Variants in MECOM observed in about 807,000 individuals in gnomAD.
MECOM encodes MDS1 and EVI1 complex locus, also known as histone-lysine N-methyltransferase MECOM.
MECOM carries 13 observed loss-of-function variants against 116.3 expected under a neutral mutation model. The ratio of observed to expected loss-of-function variants is 0.11; its 90% CI spans 0.07 to 0.18. MECOM has a LOEUF of 0.18. MECOM is among the 10% of genes least tolerant of loss of function. MECOM has a pLI of 1.00. For missense variants in MECOM, 1,299 were observed against 1,509.0 expected (o/e 0.86, Z 2.31); for synonymous variants, 528 against 535.2 (o/e 0.99, Z 0.19).
At chr3:169,549,200 G>T (rs1010560335) in intron 1 of MECOM, among the ~76,000 whole-genome samples, 1 of 152,054 alleles carries the variant, frequency 6.6e-6, no homozygotes, top group African/African-American at 2.4e-5. Flanking sequence ...TCAAACTCCT[G>T]ACCTCAGGTA....
chr3:169,633,899 T>C (rs1452613609), intron 1 of MECOM, among the ~76,000 whole-genome samples: 6 of 38,396 alleles, frequency 1.6e-4, no homozygotes, highest in African/African-American at 7.4e-4. Flanking sequence ...GTAGTGACCC[T>C]GGCAAAAAAA....
chr3:169,233,383 T>TG (rs1753653693), intron 2 of MECOM, among the ~76,000 whole-genome samples: 1 of 152,144 alleles, frequency 6.6e-6, no homozygotes, highest in Non-Finnish European at 1.5e-5. Flanking sequence ...AGGAGGTATA[T>TG]GCAGTAAAAT....
chr3:169,425,008 G>A (rs544786687), intron 1 of MECOM, among the ~76,000 whole-genome samples: 1 of 151,776 alleles, frequency 6.6e-6, no homozygotes, highest in South Asian at 2.1e-4. Flanking sequence ...CATATATTCA[G>A]CTTAACTACA....
At chr3:169,599,724 T>C (rs1327316854) in intron 1 of MECOM, among the ~76,000 whole-genome samples, 1 of 152,004 alleles carries the variant, frequency 6.6e-6, no homozygotes, top group East Asian at 1.9e-4. Flanking sequence ...AAATTAGCAA[T>C]TTGCAAAAAG....
At chr3:169,637,020 G>A (rs778570344) in intron 1 of MECOM, among the ~76,000 whole-genome samples, 6 of 152,050 alleles carry the variant, frequency 3.9e-5, no homozygotes, top group African/African-American at 7.2e-5. Flanking sequence ...CCTGGGACTC[G>A]CATTTGACCT....
At chr3:169,222,435 T>C (rs1159596334) in intron 2 of MECOM, among the ~76,000 whole-genome samples, 1 of 152,236 alleles carries the variant, frequency 6.6e-6, no homozygotes, top group African/African-American at 2.4e-5. Flanking sequence ...ACATGATTTT[T>C]TAATATCCAC....
chr3:169,144,320 T>C (rs1739050238), intron 2 of MECOM, among the ~76,000 whole-genome samples: 1 of 152,092 alleles, frequency 6.6e-6, no homozygotes, highest in African/African-American at 2.4e-5. Context: ...ACACTCTTAA[T>C]TGAAGGAGAT....
intron 1 of MECOM, among the ~76,000 whole-genome samples, chr3:169,577,975 G>A (rs1303964489): frequency 6.6e-6 from 1 of 151,916 alleles, no homozygotes; most frequent in Non-Finnish European, 1.5e-5. Context: ...GCATTCCTTA[G>A]ACAAATTAGG....
intron 2 of MECOM, among the ~76,000 whole-genome samples, chr3:169,227,833 G>A (rs1752925371): frequency 6.6e-6 from 1 of 152,176 alleles, no homozygotes; most frequent in Non-Finnish European, 1.5e-5. Flanking sequence ...GCACATAGGA[G>A]GCAGGAGGGC....
chr3:169,492,121 G>A (rs192942684), intron 1 of MECOM, among the ~76,000 whole-genome samples: 1 of 152,310 alleles, frequency 6.6e-6, no homozygotes, highest in Non-Finnish European at 1.5e-5. Context: ...GGGGTCAGTG[G>A]CATGACCCTA....
chr3:169,376,971 A>G (rs2106125), intron 2 of MECOM, among the ~76,000 whole-genome samples: 19,726 of 152,212 alleles, frequency 0.13, 1,463 homozygotes, highest in Admixed American at 0.24. Flanking sequence ...ACTGGTGCCA[A>G]AACGGATAAA....
At chr3:169,569,363 A>C (rs1763616852) in intron 1 of MECOM, among the ~76,000 whole-genome samples, 1 of 152,134 alleles carries the variant, frequency 6.6e-6, no homozygotes, top group Non-Finnish European at 1.5e-5. Context: ...AGAGACTTAG[A>C]CTCCCAGATA....
intron 1 of MECOM, among the ~76,000 whole-genome samples, chr3:169,519,570 T>C (rs577350088): frequency 6.6e-6 from 1 of 152,346 alleles, no homozygotes; most frequent in Admixed American, 6.5e-5. Context: ...AAATGCCCAA[T>C]TCAGTATCTG....
intron 2 of MECOM, among the ~76,000 whole-genome samples, chr3:169,296,758 C>T (rs1342031102): frequency 2.6e-5 from 4 of 152,130 alleles, no homozygotes; most frequent in Admixed American, 6.6e-5. Context: ...CTGAGATGAA[C>T]CTGAGAACTG....
chr3:169,091,618 AACAG>A (rs980313890), intron 14 of MECOM, among the ~76,000 whole-genome samples: 5 of 151,908 alleles, frequency 3.3e-5, no homozygotes, highest in East Asian at 1.9e-4. Context: ...CCCTTTCACA[AACAG>A]ACAGACAGAC....
intron 2 of MECOM, among the ~76,000 whole-genome samples, chr3:169,299,361 C>T (rs1004012862): frequency 1.3e-5 from 2 of 152,184 alleles, no homozygotes; most frequent in South Asian, 2.1e-4. Flanking sequence ...CAAGATTTTC[C>T]TTCCCGCCCA....
chr3:169,437,523 A>G (rs1578099716), intron 1 of MECOM, among the ~76,000 whole-genome samples: 1 of 152,328 alleles, frequency 6.6e-6, no homozygotes, highest in African/African-American at 2.4e-5. Context: ...CTTCTTTGAT[A>G]ACCACAGAGA....
chr3:169,236,644 G>A (rs1754102799), intron 2 of MECOM, among the ~76,000 whole-genome samples: 2 of 152,126 alleles, frequency 1.3e-5, no homozygotes, highest in African/African-American at 4.8e-5. Context: ...ACACCTCGAA[G>A]AGCCGTCATC....
chr3:169,459,929 C>T (rs1456172877), intron 1 of MECOM, among the ~76,000 whole-genome samples: 7 of 152,094 alleles, frequency 4.6e-5, no homozygotes, highest in Admixed American at 2.0e-4. Flanking sequence ...CCCCGAAAGA[C>T]TAAAGTTAAT....
Sources: allele counts gnomAD v4.1 joint callset (sites outside exome capture counted in the v4.1 genomes callset), GRCh38; gene constraint gnomAD v4.1.1; transcripts MANE v1.5; gene names NCBI Gene and HGNC (gene_info 2026-07-23, HGNC 2026-07-21).